Variants in ZNF536 observed in about 807,000 individuals in gnomAD.
ZNF536 encodes zinc finger protein 536.
A neutral mutation model predicts 84.5 loss-of-function variants in ZNF536; 13 were observed. The ratio of observed to expected loss-of-function variants is 0.15; its 90% CI spans 0.10 to 0.24. ZNF536 has a LOEUF of 0.24. ZNF536 is among the 10% of genes least tolerant of loss of function. ZNF536 has a pLI of 1.00. For missense variants in ZNF536, 1,536 were observed against 1,747.5 expected, an observed-to-expected ratio of 0.88 and a Z score of 2.16; for synonymous variants, 811 against 742.5, an observed-to-expected ratio of 1.09 and a Z score of -1.50.
chr19:30,414,611 G>A (rs1444283076), intron 1 of ZNF536, among the ~76,000 whole-genome samples: 1 of 152,128 alleles, frequency 6.6e-6, no homozygotes, highest in Non-Finnish European at 1.5e-5. Context: ...CCTTGAACAA[G>A]ACAAAGCCTT....
intron 2 of ZNF536, among the ~76,000 whole-genome samples, chr19:30,524,805 A>T (rs1390704202): frequency 6.6e-6 from 1 of 152,144 alleles, no homozygotes; most frequent in African/African-American, 2.4e-5. Context: ...TTACGTAGAC[A>T]TCTTTTGGGA....
intron 1 of ZNF536, among the ~76,000 whole-genome samples, chr19:30,271,875 G>T (rs926061717): frequency 2.0e-5 from 3 of 152,218 alleles, no homozygotes; most frequent in South Asian, 4.1e-4. Flanking sequence ...ACACAAGTCC[G>T]TGCGTTTTGT....
chr19:30,436,579 T>G lies in ZNF536; in HGVS notation c.-2-6982T>G, dbSNP rs1484575433. 3 of 883,824 alleles carry G rather than the reference T, an allele frequency of 3.4e-6. No individual in the cohort carries two copies. The African/African-American group carries it at 5.4e-5, about 16-fold the overall frequency. The allele number at this position is 883,824 out of a possible 1,614,324, so 54.7% of individuals were successfully genotyped here. On this transcript the variant is annotated intron_variant, in intron 1 of 4. Coordinates refer to ENST00000355537, the MANE Select transcript of ZNF536 (RefSeq NM_014717.3). ...AATGTTTACAGCTGTTTAATGACCC[T>G]GAAAAGGTTCAGTAGTCTGATGTTC...
chr19:30,695,779 G>A (rs2051632345), intron 1 of ZNF536, among the ~76,000 whole-genome samples: 1 of 152,122 alleles, frequency 6.6e-6, no homozygotes, highest in Admixed American at 6.6e-5. Context: ...GGTCTGAGGT[G>A]GACTATTGAC....
At chr19:30,378,201 C>A (rs2048889425) in intron 1 of ZNF536, among the ~76,000 whole-genome samples, 1 of 152,160 alleles carries the variant, frequency 6.6e-6, no homozygotes, top group African/African-American at 2.4e-5. Context: ...TTCACTCAGT[C>A]ACCCAGGCTG....
chr19:30,620,959 T>G (rs1462915285), intron 1 of ZNF536, among the ~76,000 whole-genome samples: 1 of 152,186 alleles, frequency 6.6e-6, no homozygotes, highest in Non-Finnish European at 1.5e-5. Flanking sequence ...AGTCTTTATA[T>G]TTTTAGAAGT....
In ZNF536 at chr19:30,600,053, T is replaced by TG. The variant is rs576872038; in HGVS notation, c.169+50539_169+50540insG. 5.6e-3 allele frequency among the ~76,000 whole-genome samples: 838 copies of TG among 149,106 alleles called. 9 individuals are homozygous for TG. The highest frequency in any genetic ancestry group is 0.019 in the African/African-American group (756 of 40,526). ...AAATGCTCCTAGCTGTTTTTTTTTT[T>TG]TTGTTGTTGTTGTTGTTTTTTGTTT... On this transcript the variant is annotated intron_variant, in intron 1 of 1. Transcript: ENST00000592773.
intron 1 of ZNF536, among the ~76,000 whole-genome samples, chr19:30,264,966 T>TGTGTGTGTGTGTGTGAGAGAGA (rs59889852): frequency 2.6e-4 from 35 of 133,852 alleles, no homozygotes; most frequent in Admixed American, 9.3e-4. Flanking sequence ...TGTGTGTGTG[T>TGTGTGTGTGTGTGTGAGAGAGA]GAGAGAGAGA....
intron 1 of ZNF536, among the ~76,000 whole-genome samples, chr19:30,693,557 A>G (rs1205174105): frequency 6.6e-6 from 1 of 151,600 alleles, no homozygotes; most frequent in Non-Finnish European, 1.5e-5. Flanking sequence ...AGAAGAGAAG[A>G]AAGGAGGCTC....
chr19:30,413,383 C>T (rs1476354423), intron 1 of ZNF536, among the ~76,000 whole-genome samples: 3 of 152,192 alleles, frequency 2.0e-5, no homozygotes, highest in Non-Finnish European at 1.5e-5. Flanking sequence ...TGACTACCCT[C>T]TTAACCACAT....
rs528703951 is a variant in ZNF536, at chr19:30,245,052, C to G, written c.-190+16379C>G. Among the ~76,000 whole-genome samples, 22 of 152,260 alleles carry G rather than the reference C, an allele frequency of 1.4e-4. No individual in the cohort carries two copies. The South Asian group carries it at 3.7e-3, about 26-fold the overall frequency. On this transcript the variant is annotated intron_variant, in intron 1 of 5. Transcript: ENST00000585628. ...GTCCCCATCTGCCACCCATGCCACC[C>G]CATCCACCAGGCTTCAGCCTCACTG...
At chr19:30,350,660 G>C (rs979297466) in intron 2 of ZNF536, among the ~76,000 whole-genome samples, 4 of 152,228 alleles carry the variant, frequency 2.6e-5, no homozygotes, top group African/African-American at 9.6e-5. Flanking sequence ...AGATTTATAA[G>C]AGGAATTGAT....
Position 30,657,568 on chromosome 19 carries a change from C to T in ZNF536, c.170-53189C>T, listed in dbSNP as rs575698950. 1.1e-4 allele frequency among the ~76,000 whole-genome samples: 17 copies of T among 152,322 alleles called. No individual in the cohort carries two copies. In the South Asian group the frequency reaches 1.9e-3, roughly 17 times the overall value. ...TCTGGCCCTCCTTGGGGCTCAGCCCCGCTTCTCTTTCTCTTCCCCCTGCAC... is the reference window on the plus strand; with the variant it reads ...TCTGGCCCTCCTTGGGGCTCAGCCCTGCTTCTCTTTCTCTTCCCCCTGCAC... On this transcript the variant is annotated intron_variant, in intron 1 of 1. Transcript: ENST00000592773.
intron 1 of ZNF536, among the ~76,000 whole-genome samples, chr19:30,614,082 C>T (rs1174336622): frequency 2.0e-5 from 3 of 152,142 alleles, no homozygotes; most frequent in Non-Finnish European, 2.9e-5. Flanking sequence ...AGGCTAGTCT[C>T]GAACTCCTGA....
intron 1 of ZNF536, among the ~76,000 whole-genome samples, chr19:30,256,759 G>T (rs934579304): frequency 6.6e-6 from 1 of 152,160 alleles, no homozygotes; most frequent in African/African-American, 2.4e-5. Flanking sequence ...GGTTCTTAAC[G>T]TTTGGGGCTG....
In ZNF536 at chr19:30,443,961, A is replaced by C. The variant is rs537372243; in HGVS notation, c.399A>C (p.Pro133=). The change falls in exon 2 of 5, where the codon CCA becomes CCC. Residue 133 remains proline (P), a synonymous_variant. Transcript: ENST00000355537. ...GCAAGAACCGCAAGTACCCGTGCCC[A>C]CTCTGCGGCAAGCGCTTCCGCTTCA... ...DARKNRKYPC[P]LCGKRFRFNS... 6.2e-7 allele frequency: 1 copy of C among 1,613,648 alleles called. No homozygotes were observed. Among genetic ancestry groups the C allele is most frequent in the Non-Finnish European group, 8.5e-7 (1 of 1,180,002 alleles).
At chr19:30,691,653 T>G (rs1285292799) in intron 1 of ZNF536, among the ~76,000 whole-genome samples, 3 of 152,120 alleles carry the variant, frequency 2.0e-5, no homozygotes, top group African/African-American at 7.2e-5. Context: ...TATTGTGAAG[T>G]CTTTGTCTCC....
chr19:30,595,337 G>C (rs1436293098), intron 1 of ZNF536, among the ~76,000 whole-genome samples: 1 of 151,954 alleles, frequency 6.6e-6, no homozygotes, highest in Admixed American at 6.6e-5. Context: ...GCCCAGACTG[G>C]AGTACAGTGT....
chr19:30,511,885 T>A (rs183904531), intron 2 of ZNF536, among the ~76,000 whole-genome samples: 2 of 152,146 alleles, frequency 1.3e-5, no homozygotes, highest in African/African-American at 4.8e-5. Context: ...GGGTTTCTGG[T>A]GCTATTTATC....
Sources: gnomAD v4.1 joint callset for allele counts (sites outside exome capture counted in the v4.1 genomes callset) on GRCh38, gnomAD v4.1.1 for gene constraint, MANE v1.5 for transcripts, NCBI Gene and HGNC (gene_info 2026-07-23, HGNC 2026-07-21) for gene names.